Variants in GCSAML observed in about 807,000 individuals in gnomAD.
GCSAML encodes germinal center-associated signaling and motility-like protein.
In GCSAML, 9 loss-of-function variants were observed where a neutral mutation model predicts 13.0. The observed-to-expected ratio is 0.69, with a 90% CI of 0.42 to 1.21. The LOEUF (loss-of-function observed/expected upper bound fraction) is 1.21, where lower values mean the gene tolerates loss of function less well. GCSAML is among the 50% of genes most tolerant of loss of function. The pLI is 0.00. For missense variants in GCSAML, 143 were observed against 153.4 expected (o/e 0.93, Z 0.36); for synonymous variants, 37 against 52.9 (o/e 0.70, Z 1.31).
At chr1:247,539,138 C>A (rs891819692) in intron 2 of GCSAML, among the ~76,000 whole-genome samples, 4 of 152,118 alleles carry the variant, frequency 2.6e-5, no homozygotes, top group Admixed American at 1.3e-4. Flanking sequence ...TCAAATCAGT[C>A]TCCCTGAAAA....
intron 1 of GCSAML, among the ~76,000 whole-genome samples, chr1:247,520,746 G>T (rs1451563386): frequency 6.6e-6 from 1 of 152,102 alleles, no homozygotes; most frequent in Non-Finnish European, 1.5e-5. Context: ...CTTCAAGCAG[G>T]ACAGTCTTTC....
At chr1:247,572,167 GA>G (rs1263001692) in intron 4 of GCSAML, among the ~76,000 whole-genome samples, 1 of 151,950 alleles carries the variant, frequency 6.6e-6, no homozygotes, top group Non-Finnish European at 1.5e-5. Flanking sequence ...TAGATCGGAA[GA>G]GTTTATTACC....
At position 247,527,442 on chromosome 1, in the gene GCSAML, C is replaced by G. The variant is rs1320795019; in HGVS notation, c.-148+388C>G. 1 of 155,088 alleles carries G rather than the reference C, an allele frequency of 6.4e-6. No individual in the cohort carries two copies. The highest frequency in any genetic ancestry group is 1.9e-4 in the East Asian group (1 of 5,258). The allele number at this position is 155,088 out of a possible 1,614,324, so 9.6% of individuals were successfully genotyped here. A position where few individuals can be genotyped will look rare whatever the true frequency, so the allele number is the denominator to read the frequency against. On this transcript the variant is annotated intron_variant, in intron 2 of 5. Transcript: ENST00000366489. This position sits in a 1 kb window ranked among gnomAD's most constrained non-coding sequence, Gnocchi z 4.6. ...TTGCTTTCTCTGGAGGTTCTACCAA[C>G]TTGACTACTGAGCTTAAACAAAGCC... is the stretch of plus-strand genomic sequence containing the variant.
chr1:247,521,713 A>G (rs540980423), intron 1 of GCSAML, among the ~76,000 whole-genome samples: 6 of 152,296 alleles, frequency 3.9e-5, no homozygotes, highest in Middle Eastern at 3.4e-3. Context: ...GCGCAGTGGC[A>G]TGATCTCAGC....
At chr1:247,534,368 A>G (rs540837718) in intron 2 of GCSAML, among the ~76,000 whole-genome samples, 9 of 152,294 alleles carry the variant, frequency 5.9e-5, no homozygotes, top group Admixed American at 5.9e-4. Flanking sequence ...GGGGTGGAAG[A>G]GGCAGGACTA....
chr1:247,550,499 T>A (rs766873297), intron 1 of GCSAML, among the ~76,000 whole-genome samples: 2 of 151,980 alleles, frequency 1.3e-5, no homozygotes, highest in African/African-American at 4.8e-5. Context: ...TAGCCGGGCG[T>A]GGTGGTGGGC....
chr1:247,563,472 T>A, intron 2 of GCSAML, 118 bp from the exon 3 acceptor site: 1 of 570,620 alleles, frequency 1.8e-6, no homozygotes. Context: ...GTATTTAATA[T>A]TTGCATGGAA....
chr1:247,512,954 C>T (rs978965492), intron 1 of GCSAML, among the ~76,000 whole-genome samples: 1 of 152,184 alleles, frequency 6.6e-6, no homozygotes, highest in Non-Finnish European at 1.5e-5. Flanking sequence ...TCAAACCCTG[C>T]TGGGAGGTGT....
At chr1:247,513,916 T>C (rs554838649) in intron 1 of GCSAML, among the ~76,000 whole-genome samples, 13 of 152,262 alleles carry the variant, frequency 8.5e-5, no homozygotes, top group African/African-American at 2.9e-4. Context: ...GGCTTCTGCA[T>C]TGATGTCAGT....
At chr1:247,507,659 C>T (rs1665877265) in intron 1 of GCSAML, among the ~76,000 whole-genome samples, 1 of 152,130 alleles carries the variant, frequency 6.6e-6, no homozygotes, top group Admixed American at 6.6e-5. Context: ...TCTCCTAATG[C>T]TATCCCTCTC....
chr1:247,549,002 G>A (rs772305067), upstream of GCSAML: 67 of 1,506,680 alleles, frequency 4.4e-5, no homozygotes, highest in Non-Finnish European at 5.8e-5. Context: ...TTTCCTTTCT[G>A]CCTCCCCTTT....
At position 247,556,431 on chromosome 1, in the gene GCSAML, G is replaced by A. The variant is rs1667949946; in HGVS notation, c.54G>A (p.Lys18=). 9 of 1,611,756 alleles carry A rather than the reference G, an allele frequency of 5.6e-6. No homozygotes were observed. In the East Asian group the frequency reaches 1.8e-4, roughly 32 times the overall value. ...KLSCLGENQK[K]PKKGNPDEER... The stretch of plus-strand genomic sequence containing the variant: ...GTTGCCTGGGAGAGAATCAAAAGAA[G>A]CCCAAGAAAGGAAACCCAGATGAGG... Residue 18 remains lysine (K), a synonymous_variant, in exon 2 of 5, where the codon AAG becomes AAA. Coordinates refer to ENST00000366488, the MANE Select transcript of GCSAML (RefSeq NM_145278.5).
rs1668793635 is a variant in GCSAML at position 247,575,374 on chromosome 1, T to A, written c.*992T>A. On this transcript the variant is annotated 3_prime_UTR_variant, in exon 5 of 5. Transcript: ENST00000366488. ...AAATATATGTCCAAGAATCTTCAAT[T>A]CCAAGCCTGCTCACCAAATTTCAAA... The A allele has an allele frequency of 6.6e-6, 1 of 151,996 alleles. No individual in the cohort carries two copies. The highest frequency in any genetic ancestry group is 2.1e-4 in the South Asian group (1 of 4,816). The allele number at this position is 151,996 out of a possible 1,614,324, so 9.4% of individuals were successfully genotyped here.
chr1:247,532,916 A>G (rs190678871), intron 2 of GCSAML, among the ~76,000 whole-genome samples: 46 of 152,304 alleles, frequency 3.0e-4, no homozygotes, highest in East Asian at 1.5e-3. Flanking sequence ...ATTCATGCAA[A>G]ATCCTTAGCA....
intron 2 of GCSAML, chr1:247,538,848 A>C (rs558369651): frequency 4.5e-6 from 2 of 440,154 alleles, no homozygotes; most frequent in Admixed American, 4.9e-5. Flanking sequence ...TTTTGTTATG[A>C]TATCTCGACC....
upstream of GCSAML, among the ~76,000 whole-genome samples, chr1:247,548,016 G>A: frequency 6.6e-6 from 1 of 152,134 alleles, no homozygotes; most frequent in African/African-American, 2.4e-5. The surrounding 1 kb of genome is among the most constrained non-coding windows in gnomAD (Gnocchi z 5.3). Context: ...TAATGATAAA[G>A]CACTCCAGAC....
At chr1:247,561,900 A>G (rs1050750960) in intron 2 of GCSAML, among the ~76,000 whole-genome samples, 1 of 152,070 alleles carries the variant, frequency 6.6e-6, no homozygotes, top group Non-Finnish European at 1.5e-5. Context: ...CAAAGCCAAA[A>G]ACATCCACAC....
intron 1 of GCSAML, among the ~76,000 whole-genome samples, chr1:247,514,296 G>C (rs532014728): frequency 6.6e-6 from 1 of 152,236 alleles, no homozygotes; most frequent in African/African-American, 2.4e-5. Flanking sequence ...CTTCTTTTAA[G>C]AATTGTCTAT....
intron 2 of GCSAML, chr1:247,531,807 C>T (rs1166038189): frequency 5.3e-5 from 86 of 1,614,074 alleles, no homozygotes; most frequent in Non-Finnish European, 7.0e-5. Context: ...ATGCCTTTCT[C>T]CGCCCTTCTG....
Sources: allele counts gnomAD v4.1 joint callset (sites outside exome capture counted in the v4.1 genomes callset), GRCh38; gene constraint gnomAD v4.1.1; non-coding constraint Gnocchi (gnomAD v3.1); transcripts MANE v1.5; gene names NCBI Gene and HGNC (gene_info 2026-07-23, HGNC 2026-07-21).